The following ZNF469 variants were observed in gnomAD, a reference collection of about 807,000 sequenced individuals.
ZNF469 encodes the protein zinc finger protein 469.
A neutral mutation model predicts 1.0 loss-of-function variants in ZNF469; 1 was observed. The ratio of observed to expected loss-of-function variants is 1.00; its 90% CI spans 0.35 to 4.73. The LOEUF (loss-of-function observed/expected upper bound fraction) is 4.73, where lower values mean the gene tolerates loss of function less well. Among genes scored for constraint, ZNF469 ranks in the 30% most tolerant of loss-of-function variants. The pLI is 0.16. For missense variants in ZNF469, 6,100 were observed against 5,356.3 expected (o/e 1.14, Z -4.33); for synonymous variants, 2,703 against 2,363.4 (o/e 1.14, Z -4.17).
Position 88,431,248 on chromosome 16 carries a change from C to T in ZNF469, c.3778C>T (p.Pro1260Ser). 1.3e-6 allele frequency: 2 copies of T among 1,550,392 alleles called. No homozygotes were observed. The highest frequency in any genetic ancestry group is 1.7e-6 in the Non-Finnish European group (2 of 1,146,976). The change falls in exon 3 of 3, where the codon CCC (proline) becomes TCC (serine). Residue 1260 changes from proline (P) to serine (S), a missense_variant. Physicochemically the swap from Pro to Ser is moderately conservative, Grantham distance 74. Transcript: ENST00000565624. ...CTGTGCGGGAGAAATGGGAGCAAGC[C>T]CCGGTCTCCTGATACCAGAGCAGCC... Reference protein sequence around the residue: ...AACAGEMGASPGLLIPEQPPP... With the variant: ...AACAGEMGASSGLLIPEQPPP...
the ZNF469 span, among the ~76,000 whole-genome samples, chr16:88,154,303 A>G: frequency 6.6e-6 from 1 of 152,200 alleles, no homozygotes; most frequent in Non-Finnish European, 1.5e-5. Flanking sequence ...AATTACAGGC[A>G]TGCGCCACCA....
At chr16:88,384,080 C>T (rs1407993386) in intron 1 of ZNF469, among the ~76,000 whole-genome samples, 2 of 152,230 alleles carry the variant, frequency 1.3e-5, no homozygotes, top group Non-Finnish European at 2.9e-5. Flanking sequence ...GCAGCGGAGG[C>T]GGTTAACTGC....
the ZNF469 span, among the ~76,000 whole-genome samples, chr16:88,309,972 T>A: frequency 3.2e-3 from 483 of 152,050 alleles, 5 homozygotes; most frequent in African/African-American, 0.011. Context: ...CTTTGAAGAG[T>A]CAGGTCCATG....
the ZNF469 span, among the ~76,000 whole-genome samples, chr16:88,336,028 G>A: frequency 2.3e-5 from 3 of 128,396 alleles, no homozygotes; most frequent in African/African-American, 9.0e-5. Context: ...ATGTGAGACA[G>A]TGATGCGCCA....
the ZNF469 span, among the ~76,000 whole-genome samples, chr16:88,241,887 C>A: frequency 2.0e-3 from 300 of 152,316 alleles, 6 homozygotes; most frequent in African/African-American, 6.7e-3. This position sits in a 1 kb window ranked among gnomAD's most constrained non-coding sequence, Gnocchi z 4.8. Context: ...AGGAGAGGCT[C>A]AAGGGCTCCT....
At chr16:88,218,398 T>C in the ZNF469 span, among the ~76,000 whole-genome samples, 1 of 150,748 alleles carries the variant, frequency 6.6e-6, no homozygotes, top group Non-Finnish European at 1.5e-5. Flanking sequence ...AGGTTGCCTG[T>C]TCACTCTGAT....
chr16:88,154,494 T>C, the ZNF469 span, among the ~76,000 whole-genome samples: 7 of 152,160 alleles, frequency 4.6e-5, no homozygotes, highest in Non-Finnish European at 1.0e-4. Flanking sequence ...AAAAAACACT[T>C]TGGGAAGAAC....
At chr16:88,161,102 A>G in the ZNF469 span, among the ~76,000 whole-genome samples, 2 of 151,504 alleles carry the variant, frequency 1.3e-5, no homozygotes, top group East Asian at 3.9e-4. Context: ...CAGAGCTTGC[A>G]GTGAGCCGAG....
At chr16:88,283,404 T>A in the ZNF469 span, among the ~76,000 whole-genome samples, 1 of 151,936 alleles carries the variant, frequency 6.6e-6, no homozygotes, top group South Asian at 2.1e-4. Flanking sequence ...TTGAAATGCA[T>A]CAAAAAATAA....
At chr16:88,298,395 G>A in the ZNF469 span, among the ~76,000 whole-genome samples, 2 of 152,316 alleles carry the variant, frequency 1.3e-5, no homozygotes, top group African/African-American at 2.4e-5. Flanking sequence ...GGCCAGTGCC[G>A]CCAAGTTGCT....
At chr16:88,103,033 G>C in the ZNF469 span, among the ~76,000 whole-genome samples, 3 of 152,260 alleles carry the variant, frequency 2.0e-5, no homozygotes, top group Non-Finnish European at 4.4e-5. Context: ...CGTGGTGCCT[G>C]ATGGTAATGC....
the ZNF469 span, among the ~76,000 whole-genome samples, chr16:88,131,779 G>A: frequency 5.2e-3 from 794 of 152,348 alleles, 7 homozygotes; most frequent in African/African-American, 0.017. Context: ...GGTCAGGGAC[G>A]GGTTTGGCTG....
At chr16:88,168,509 G>C in the ZNF469 span, among the ~76,000 whole-genome samples, 111 of 152,336 alleles carry the variant, frequency 7.3e-4, no homozygotes, top group African/African-American at 2.6e-3. This position sits in a 1 kb window ranked among gnomAD's most constrained non-coding sequence, Gnocchi z 4.3. Flanking sequence ...GGTTGCTCGT[G>C]TGTGATTGTG....
At chr16:88,384,276 C>G (rs1034498630) in intron 1 of ZNF469, among the ~76,000 whole-genome samples, 12 of 152,222 alleles carry the variant, frequency 7.9e-5, no homozygotes. Flanking sequence ...GCCCATTCTG[C>G]CAAGAGCAAG....
At chr16:88,211,243 T>G in the ZNF469 span, among the ~76,000 whole-genome samples, 1 of 152,264 alleles carries the variant, frequency 6.6e-6, no homozygotes, top group Non-Finnish European at 1.5e-5. Context: ...GATTCTCATG[T>G]GTTTGTGATC....
the ZNF469 span, among the ~76,000 whole-genome samples, chr16:88,120,129 G>A: frequency 6.6e-6 from 1 of 152,196 alleles, no homozygotes; most frequent in Non-Finnish European, 1.5e-5. Context: ...TGGAGGGGGA[G>A]GCATCGCCCC....
the ZNF469 span, among the ~76,000 whole-genome samples, chr16:88,107,911 A>G: frequency 6.6e-6 from 1 of 152,228 alleles, no homozygotes; most frequent in Non-Finnish European, 1.5e-5. Context: ...ATGTCATGGC[A>G]GCCCAGGCGC....
chr16:88,202,396 G>T, the ZNF469 span, among the ~76,000 whole-genome samples: 1 of 152,234 alleles, frequency 6.6e-6, no homozygotes, highest in East Asian at 1.9e-4. Flanking sequence ...CTGCCTGTGG[G>T]TCCTAAAGTC....
chr16:88,154,482 T>G, the ZNF469 span, among the ~76,000 whole-genome samples: 1 of 152,172 alleles, frequency 6.6e-6, no homozygotes, highest in East Asian at 1.9e-4. Flanking sequence ...ATTGCTTCTG[T>G]CAAAAAACAC....
Sources: gnomAD v4.1 joint callset for allele counts (sites outside exome capture counted in the v4.1 genomes callset) on GRCh38, gnomAD v4.1.1 for gene constraint, Gnocchi (gnomAD v3.1) non-coding constraint, MANE v1.5 for transcripts, NCBI Gene and HGNC (gene_info 2026-07-23, HGNC 2026-07-21) for gene names.